Variants in FRMD6 observed in about 807,000 individuals in gnomAD.
FRMD6 encodes FERM domain-containing protein 6.
Under a neutral mutation model 73.2 loss-of-function variants are expected in FRMD6, and 37 were observed. That is an observed-to-expected ratio of 0.51 (90% CI 0.39 to 0.66). The LOEUF (loss-of-function observed/expected upper bound fraction) is 0.66. FRMD6 is among the 30% of genes least tolerant of loss of function. The probability of loss-of-function intolerance (pLI) is 0.00; values close to 1 mark genes in which losing one functional copy is unlikely to be tolerated. For synonymous variants in FRMD6, 273 were observed against 282.2 expected (o/e 0.97, Z 0.33); for missense variants, 714 against 780.5 (o/e 0.91, Z 1.02).
At chr14:51,509,661 CT>C (rs995623485) in intron 1 of FRMD6, among the ~76,000 whole-genome samples, 1 of 152,146 alleles carries the variant, frequency 6.6e-6, no homozygotes, top group Non-Finnish European at 1.5e-5. Context: ...GAGTCTCACT[CT>C]GTCTCCCAGG....
the FRMD6 span, among the ~76,000 whole-genome samples, chr14:51,445,911 A>G: frequency 1.3e-5 from 2 of 152,252 alleles, no homozygotes; most frequent in African/African-American, 2.4e-5. Flanking sequence ...CATGTTACAT[A>G]CCAGGTATTT....
intron 1 of FRMD6, among the ~76,000 whole-genome samples, chr14:51,520,266 C>T (rs1353938144): frequency 2.6e-5 from 4 of 152,084 alleles, no homozygotes; most frequent in African/African-American, 9.7e-5. Flanking sequence ...AATTATATAC[C>T]ACAATGAAAT....
chr14:51,423,129 AC>A, the FRMD6 span, among the ~76,000 whole-genome samples: 1 of 152,326 alleles, frequency 6.6e-6, no homozygotes, highest in East Asian at 1.9e-4. Flanking sequence ...GTGCTAGGCC[AC>A]TGAGATTCTG....
At chr14:51,599,824 T>TA (rs1427966396) in intron 2 of FRMD6, 1 of 150,516 alleles carries the variant, frequency 6.6e-6, no homozygotes, top group Non-Finnish European at 1.5e-5. Context: ...CTGAAACACA[T>TA]ACCTTTGAGA....
the FRMD6 span, among the ~76,000 whole-genome samples, chr14:51,403,299 T>C: frequency 6.6e-6 from 1 of 152,254 alleles, no homozygotes; most frequent in African/African-American, 2.4e-5. Context: ...TTTAAGATTT[T>C]ACCTTTTACA....
chr14:51,492,395 T>C (rs1883061927), intron 1 of FRMD6, among the ~76,000 whole-genome samples: 1 of 152,200 alleles, frequency 6.6e-6, no homozygotes, highest in African/African-American at 2.4e-5. Flanking sequence ...GCAAATCTTC[T>C]GTAATGTGGA....
chr14:51,534,365 G>C (rs1885765610), intron 1 of FRMD6, among the ~76,000 whole-genome samples: 1 of 152,190 alleles, frequency 6.6e-6, no homozygotes, highest in South Asian at 2.1e-4. Context: ...AATTACAACA[G>C]TGCTGCATGA....
chr14:51,607,698 G>C (rs12434763), intron 2 of FRMD6, among the ~76,000 whole-genome samples: 43,331 of 152,128 alleles, frequency 0.28, 7,480 homozygotes, highest in African/African-American at 0.49. Flanking sequence ...TGCACTACAT[G>C]AATCATCTTA....
At chr14:51,693,223 C>T (rs1167011886) in intron 2 of FRMD6, among the ~76,000 whole-genome samples, 5 of 152,244 alleles carry the variant, frequency 3.3e-5, no homozygotes, top group Admixed American at 6.5e-5. Context: ...ATAATACTTA[C>T]GCTGCAGGGT....
At chr14:51,690,796 TGGTTTGTGAGTCATAGTCAGCTTGCTTAG>T (rs1895509587) in intron 2 of FRMD6, among the ~76,000 whole-genome samples, 1 of 152,210 alleles carries the variant, frequency 6.6e-6, no homozygotes, top group South Asian at 2.1e-4. Flanking sequence ...CTGTTGCTTA[TGGTTTGTGAGTCATAGTCAGCTTGCTTAG>T]ATAACCTGAA....
At chr14:51,478,473 C>A in the FRMD6 span, among the ~76,000 whole-genome samples, 8 of 152,166 alleles carry the variant, frequency 5.3e-5, no homozygotes, top group Middle Eastern at 3.2e-3. Flanking sequence ...TGAGAATTCA[C>A]TCAGGAATTC....
chr14:51,506,527 A>G (rs1165945264), intron 1 of FRMD6, among the ~76,000 whole-genome samples: 2 of 152,370 alleles, frequency 1.3e-5, no homozygotes, highest in Non-Finnish European at 1.5e-5. Context: ...GAGATTAAAA[A>G]GACTCATAGT....
intron 2 of FRMD6, among the ~76,000 whole-genome samples, chr14:51,645,080 A>G (rs2140049711): frequency 6.6e-6 from 1 of 152,378 alleles, no homozygotes; most frequent in Non-Finnish European, 1.5e-5. Context: ...TTAGGCTAAT[A>G]GAATAATTTA....
At chr14:51,679,095 A>G (rs1479844045) in intron 1 of FRMD6, among the ~76,000 whole-genome samples, 3 of 152,090 alleles carry the variant, frequency 2.0e-5, no homozygotes, top group Non-Finnish European at 4.4e-5. Context: ...CAATGGTGTG[A>G]TATGTATGAT....
At chr14:51,489,150 T>C (rs1882853932) in exon 1 of FRMD6, 1 of 152,152 alleles carries the variant, frequency 6.6e-6, no homozygotes, top group Admixed American at 6.5e-5. Context: ...GAAGGAAGGG[T>C]GTTGGGTGAA....
chr14:51,441,582 TA>T, the FRMD6 span, among the ~76,000 whole-genome samples: 2 of 152,228 alleles, frequency 1.3e-5, no homozygotes, highest in Non-Finnish European at 2.9e-5. Flanking sequence ...TGATCCTTAC[TA>T]GGAGCCTTGG....
At chr14:51,402,661 C>T in the FRMD6 span, among the ~76,000 whole-genome samples, 7 of 141,310 alleles carry the variant, frequency 5.0e-5, no homozygotes, top group African/African-American at 1.1e-4. Context: ...TTTTTTGAGA[C>T]GGAGTCTCAC....
intron 1 of FRMD6, among the ~76,000 whole-genome samples, chr14:51,666,252 T>C (rs915201853): frequency 5.6e-4 from 86 of 152,336 alleles, no homozygotes; most frequent in African/African-American, 2.0e-3. Flanking sequence ...TTCTGTCACA[T>C]AGATGGATGA....
chr14:51,431,375 T>C, the FRMD6 span, among the ~76,000 whole-genome samples: 1 of 152,340 alleles, frequency 6.6e-6, no homozygotes, highest in South Asian at 2.1e-4. Flanking sequence ...CAAATTGATA[T>C]GTTTTCAACT....
Sources: gnomAD v4.1 joint callset for allele counts (sites outside exome capture counted in the v4.1 genomes callset) on GRCh38, gnomAD v4.1.1 for gene constraint, MANE v1.5 for transcripts, NCBI Gene and HGNC (gene_info 2026-07-23, HGNC 2026-07-21) for gene names.